The following FANCB variants were observed in gnomAD, a reference collection of about 807,000 sequenced individuals.
FANCB encodes FA complementation group B.
Under a neutral mutation model 38.9 loss-of-function variants are expected in FANCB, and 5 were observed. That is an observed-to-expected ratio of 0.13 (90% CI 0.07 to 0.27). FANCB has a LOEUF of 0.27. FANCB is among the 10% of genes least tolerant of loss of function. The pLI is 1.00. For synonymous variants in FANCB, 236 were observed against 215.4 expected (o/e 1.10, Z -0.84); for missense variants, 573 against 602.7 (o/e 0.95, Z 0.52).
chrX:14,708,568 C>T, the FANCB span, among the ~76,000 whole-genome samples: 1 of 111,969 alleles, frequency 8.9e-6, no homozygotes, highest in Non-Finnish European at 1.9e-5. Flanking sequence ...CGTGACCTGC[C>T]TTCAGAGTTC....
chrX:14,854,455 C>T (rs1453004008), intron 5 of FANCB, among the ~76,000 whole-genome samples: 1 of 111,833 alleles, frequency 8.9e-6, no homozygotes, highest in Non-Finnish European at 1.9e-5. Context: ...AAATTAGACA[C>T]ATGGTAAGAA....
chrX:14,857,513 C>T (rs2092428077), intron 5 of FANCB, among the ~76,000 whole-genome samples: 1 of 111,239 alleles, frequency 9.0e-6, no homozygotes, highest in Non-Finnish European at 1.9e-5. Flanking sequence ...GTAAACTGTT[C>T]ATGTCTGGAA....
chrX:14,692,228 A>G, the FANCB span, among the ~76,000 whole-genome samples: 1 of 112,046 alleles, frequency 8.9e-6, no homozygotes, highest in African/African-American at 3.2e-5. Flanking sequence ...AACAAGCACA[A>G]ATATCCTCTT....
the FANCB span, among the ~76,000 whole-genome samples, chrX:14,802,017 G>C: frequency 8.9e-6 from 1 of 111,781 alleles, no homozygotes; most frequent in African/African-American, 3.3e-5. Flanking sequence ...CTTTGCTGTA[G>C]CAAGTTTAGA....
At chrX:14,739,982 A>T in the FANCB span, among the ~76,000 whole-genome samples, 1 of 111,615 alleles carries the variant, frequency 9.0e-6, no homozygotes, top group African/African-American at 3.3e-5. Context: ...AGTGTGTACC[A>T]CACTGGCCCT....
intron 3 of FANCB, among the ~76,000 whole-genome samples, chrX:14,861,674 TGTA>T (rs2092447336): frequency 9.0e-6 from 1 of 111,670 alleles, no homozygotes; most frequent in Non-Finnish European, 1.9e-5. Context: ...TCTTTTCCCT[TGTA>T]GTATGTTCCC....
chrX:14,691,659 A>G, the FANCB span, among the ~76,000 whole-genome samples: 5 of 111,557 alleles, frequency 4.5e-5, no homozygotes, highest in African/African-American at 1.6e-4. Flanking sequence ...CAGCCTCTGT[A>G]TTTCTGCAGC....
intron 2 of FANCB, among the ~76,000 whole-genome samples, chrX:14,868,017 A>G (rs1332024847): frequency 9.0e-6 from 1 of 111,479 alleles, no homozygotes; most frequent in African/African-American, 3.3e-5. Context: ...GATACCACCT[A>G]ATTTCAGTTT....
chrX:14,758,567 AGTACCGACCTG>A, the FANCB span, among the ~76,000 whole-genome samples: 3 of 112,198 alleles, frequency 2.7e-5, no homozygotes, highest in African/African-American at 9.7e-5. Context: ...GATACTCCCC[AGTACCGACCTG>A]GAGCCTGGTA....
downstream of FANCB, among the ~76,000 whole-genome samples, chrX:14,841,436 A>G (rs1433839256): frequency 3.6e-5 from 4 of 112,394 alleles, no homozygotes; most frequent in East Asian, 8.3e-4. Flanking sequence ...ATGTATGTTA[A>G]TAACACCTTT....
At chrX:14,769,892 G>A in the FANCB span, among the ~76,000 whole-genome samples, 5 of 112,055 alleles carry the variant, frequency 4.5e-5, no homozygotes, top group African/African-American at 1.6e-4. Flanking sequence ...CTTGATTTCT[G>A]CGTTAATTTC....
At chrX:14,834,831 T>A, downstream of FANCB, 2 of 558,395 alleles carry the variant, frequency 3.6e-6, no homozygotes, top group South Asian at 4.6e-5. Context: ...ATCATCATCA[T>A]CATCTTCATC....
chrX:14,729,806 CTGAATGAA>C, the FANCB span, among the ~76,000 whole-genome samples: 2 of 111,096 alleles, frequency 1.8e-5, no homozygotes, highest in Non-Finnish European at 3.8e-5. Flanking sequence ...TAAATGTTTT[CTGAATGAA>C]TGAATGAATG....
At chrX:14,872,642 C>CA (rs1317145012) in intron 1 of FANCB, among the ~76,000 whole-genome samples, 5,650 of 88,850 alleles carry the variant, frequency 0.064, 406 homozygotes, top group African/African-American at 0.16. Context: ...ACCGCCCCCC[C>CA]CACACACACC....
At chrX:14,744,822 G>A in the FANCB span, among the ~76,000 whole-genome samples, 1 of 111,217 alleles carries the variant, frequency 9.0e-6, no homozygotes, top group South Asian at 3.8e-4. Flanking sequence ...ACATGTCAGG[G>A]TCGGCAGACT....
the FANCB span, among the ~76,000 whole-genome samples, chrX:14,767,777 G>T: frequency 8.9e-6 from 1 of 111,984 alleles, no homozygotes. Context: ...TGTCCTGAAT[G>T]GTATTGCCTA....
chrX:14,758,572 C>T, the FANCB span, among the ~76,000 whole-genome samples: 4 of 111,954 alleles, frequency 3.6e-5, no homozygotes, highest in Admixed American at 9.5e-5. Context: ...TCCCCAGTAC[C>T]GACCTGGAGC....
chrX:14,829,620 G>A, the FANCB span, among the ~76,000 whole-genome samples: 1 of 111,841 alleles, frequency 8.9e-6, no homozygotes, highest in East Asian at 2.8e-4. Context: ...TCACACTTTT[G>A]TGTTATAGAG....
At chrX:14,858,734 T>A (rs1337640657) in intron 4 of FANCB, among the ~76,000 whole-genome samples, 1 of 111,360 alleles carries the variant, frequency 9.0e-6, no homozygotes, top group East Asian at 2.8e-4. Flanking sequence ...ATGAAAAAAC[T>A]GAGGCTTAGA....
Sources: allele counts gnomAD v4.1 joint callset (sites outside exome capture counted in the v4.1 genomes callset), GRCh38; gene constraint gnomAD v4.1.1; transcripts MANE v1.5; gene names NCBI Gene and HGNC (gene_info 2026-07-23, HGNC 2026-07-21).